ADCY2: variants seen among roughly 807,000 people sequenced by gnomAD.
ADCY2 encodes adenylate cyclase type 2.
Under a neutral mutation model 125.2 loss-of-function variants are expected in ADCY2, and 31 were observed. The ratio of observed to expected loss-of-function variants is 0.25; its 90% CI spans 0.19 to 0.33. ADCY2 has a LOEUF of 0.33. ADCY2 is among the 10% of genes least tolerant of loss of function. The pLI is 1.00. For missense variants in ADCY2, 904 were observed against 1,418.2 expected, an observed-to-expected ratio of 0.64 and a Z score of 5.82; for synonymous variants, 512 against 548.4, an observed-to-expected ratio of 0.93 and a Z score of 0.93.
chr5:7,550,980 C>T (rs571917784), intron 3 of ADCY2, among the ~76,000 whole-genome samples: 9 of 152,206 alleles, frequency 5.9e-5, no homozygotes, highest in South Asian at 2.1e-4. Flanking sequence ...CATTTCTTGA[C>T]AACTCACAAG....
intron 2 of ADCY2, among the ~76,000 whole-genome samples, chr5:7,509,327 G>A (rs1387928266): frequency 6.6e-6 from 1 of 152,214 alleles, no homozygotes; most frequent in Non-Finnish European, 1.5e-5. Context: ...AGGAGAAGAG[G>A]AGGAGAAATG....
chr5:7,768,378 TG>T (rs1314119416), intron 17 of ADCY2, among the ~76,000 whole-genome samples: 1 of 152,254 alleles, frequency 6.6e-6, no homozygotes, highest in Admixed American at 6.5e-5. Flanking sequence ...CGGTGTGGCC[TG>T]CCTATTCCTC....
intron 20 of ADCY2, among the ~76,000 whole-genome samples, chr5:7,790,125 G>A (rs1401238965): frequency 6.6e-6 from 1 of 152,150 alleles, no homozygotes; most frequent in Non-Finnish European, 1.5e-5. Flanking sequence ...CTCCAAAGAA[G>A]CCACTGCTCT....
intron 3 of ADCY2, among the ~76,000 whole-genome samples, chr5:7,579,764 A>T (rs1472760579): frequency 1.3e-5 from 2 of 152,258 alleles, no homozygotes; most frequent in African/African-American, 2.4e-5. Context: ...AAAAAGAGAC[A>T]ATCAGTGGAA....
chr5:7,461,983 A>C (rs1347931919), intron 2 of ADCY2, among the ~76,000 whole-genome samples: 2 of 152,208 alleles, frequency 1.3e-5, no homozygotes, highest in Non-Finnish European at 2.9e-5. Flanking sequence ...AATGCCATGG[A>C]GGGCAAGGCT....
intron 3 of ADCY2, among the ~76,000 whole-genome samples, chr5:7,586,702 G>A (rs1245380529): frequency 6.6e-6 from 1 of 152,122 alleles, no homozygotes; most frequent in African/African-American, 2.4e-5. Flanking sequence ...CTCATCAAGA[G>A]TGGCTGAGAA....
intron 2 of ADCY2, among the ~76,000 whole-genome samples, chr5:7,457,807 C>T (rs58086265): frequency 0.018 from 2,796 of 152,216 alleles, 82 homozygotes; most frequent in African/African-American, 0.064. Context: ...AAGAGGCAAT[C>T]GGTAAAACAG....
chr5:7,425,506 G>GT (rs1360091130), intron 2 of ADCY2, among the ~76,000 whole-genome samples: 3 of 152,268 alleles, frequency 2.0e-5, no homozygotes, highest in Non-Finnish European at 4.4e-5. Flanking sequence ...CTGCTGGAAT[G>GT]TAAGAGAGTG....
At chr5:7,427,435 C>T (rs1740425983) in intron 2 of ADCY2, among the ~76,000 whole-genome samples, 1 of 152,144 alleles carries the variant, frequency 6.6e-6, no homozygotes, top group African/African-American at 2.4e-5. Context: ...CTTCACAAGA[C>T]AGCAGCAGGG....
chr5:7,555,852 GCGCACA>G (rs1326384681), intron 3 of ADCY2, among the ~76,000 whole-genome samples: 4 of 127,392 alleles, frequency 3.1e-5, no homozygotes, highest in African/African-American at 8.5e-5. Context: ...ACACATGTGA[GCGCACA>G]CACACACACA....
At chr5:7,711,237 G>T (rs1385685400) in intron 10 of ADCY2, among the ~76,000 whole-genome samples, 1 of 152,198 alleles carries the variant, frequency 6.6e-6, no homozygotes, top group Non-Finnish European at 1.5e-5. Context: ...GCCTGGGGCA[G>T]CTGGGGCCTT....
chr5:7,670,908 G>T (rs558679429), intron 4 of ADCY2, among the ~76,000 whole-genome samples: 1 of 152,230 alleles, frequency 6.6e-6, no homozygotes, highest in Admixed American at 6.5e-5. Context: ...TTGGGGGTTG[G>T]GGACCCCTAC....
chr5:7,411,929 G>C (rs1739732319), intron 1 of ADCY2, among the ~76,000 whole-genome samples: 1 of 152,132 alleles, frequency 6.6e-6, no homozygotes, highest in East Asian at 1.9e-4. Context: ...CAAAAAATTG[G>C]CCGGGCGTAG....
chr5:7,498,294 G>A (rs1307298188), intron 2 of ADCY2, among the ~76,000 whole-genome samples: 1 of 137,816 alleles, frequency 7.3e-6, no homozygotes, highest in Non-Finnish European at 1.5e-5. Context: ...TATCGCCCAG[G>A]CTGGGGTGCA....
intron 3 of ADCY2, among the ~76,000 whole-genome samples, chr5:7,565,312 T>G (rs980649161): frequency 6.6e-6 from 1 of 152,242 alleles, no homozygotes; most frequent in African/African-American, 2.4e-5. Context: ...TTATCAGAAG[T>G]GCTTTCAGTT....
chr5:7,821,550 T>G (rs1745301121), intron 24 of ADCY2, among the ~76,000 whole-genome samples: 1 of 152,214 alleles, frequency 6.6e-6, no homozygotes, highest in African/African-American at 2.4e-5. Flanking sequence ...TCCCACGTGC[T>G]GACTAGATGC....
At chr5:7,749,801 GAT>G (rs1742746287) in intron 15 of ADCY2, 1 of 152,224 alleles carries the variant, frequency 6.6e-6, no homozygotes, top group African/African-American at 2.4e-5. Flanking sequence ...TCCAGGCAGA[GAT>G]AAAAGCGCAA....
chr5:7,444,677 A>G (rs2126406924), intron 2 of ADCY2, among the ~76,000 whole-genome samples: 1 of 152,234 alleles, frequency 6.6e-6, no homozygotes, highest in East Asian at 1.9e-4. Context: ...TTTAGGGCAA[A>G]GGATGAGCAT....
intron 7 of ADCY2, among the ~76,000 whole-genome samples, chr5:7,701,110 C>A (rs1191894775): frequency 6.7e-6 from 1 of 149,382 alleles, no homozygotes; most frequent in Non-Finnish European, 1.5e-5. Flanking sequence ...TTTTTTTTTT[C>A]AAATTTGTAA....
Sources: gnomAD v4.1 joint callset for allele counts (sites outside exome capture counted in the v4.1 genomes callset) on GRCh38, gnomAD v4.1.1 for gene constraint, MANE v1.5 for transcripts, NCBI Gene and HGNC (gene_info 2026-07-23, HGNC 2026-07-21) for gene names.